SCARB2: variants seen among roughly 807,000 people sequenced by gnomAD.
SCARB2 encodes the protein scavenger receptor class B member 2, also known as lysosome membrane protein 2.
Under a neutral mutation model 58.6 loss-of-function variants are expected in SCARB2, and 29 were observed. The observed-to-expected ratio is 0.49, with a 90% CI of 0.37 to 0.67. SCARB2 has a LOEUF of 0.67. Among genes scored for constraint, SCARB2 ranks in the 30% least tolerant of loss-of-function variants. The pLI is 0.00. For missense variants in SCARB2, 488 were observed against 578.5 expected, an observed-to-expected ratio of 0.84 and a Z score of 1.60; for synonymous variants, 195 against 210.1, an observed-to-expected ratio of 0.93 and a Z score of 0.62.
intron 2 of SCARB2, among the ~76,000 whole-genome samples, chr4:76,187,529 T>C (rs1305680841): frequency 6.6e-6 from 1 of 152,194 alleles, no homozygotes; most frequent in Admixed American, 6.5e-5. Context: ...AATATAATCA[T>C]CATTAAAATT....
Position 76,166,267 on chromosome 4 carries a change from C to G in SCARB2, c.1222G>C (p.Val408Leu). 1.2e-6 allele frequency: 2 copies of G among 1,614,188 alleles called. No homozygotes were observed. Among genetic ancestry groups the G allele is most frequent in the Non-Finnish European group, 1.7e-6 (2 of 1,180,038 alleles). The change falls in exon 10 of 12, where the codon GTG becomes CTG. Residue 408 changes from valine (V) to leucine (L), a missense_variant. Val to Leu is a conservative substitution (Grantham distance 32). Transcript: ENST00000264896. ...TGDIRTMVFP[V>L]MYLNESVHID... ...GGACTTACCTCATTGAGGTACATCA[C>G]TGGGAAAACCATGGTTCTAATGTCT...
At position 76,163,346 on chromosome 4, in the gene SCARB2, T is replaced by C; in HGVS notation, c.1277A>G (p.Lys426Arg). 6.2e-7 allele frequency: 1 copy of C among 1,614,206 alleles called. No homozygotes were observed. Among genetic ancestry groups the C allele is most frequent in the South Asian group, 1.1e-5 (1 of 91,086 alleles). The change falls in exon 11 of 12, where the codon AAG becomes AGG. Residue 426 changes from lysine to arginine, a missense_variant. Transcript: ENST00000264896. ...HIDKETASRLKSMINTTLIIT... is the reference protein window; with the variant it reads ...HIDKETASRLRSMINTTLIIT... ...GATCAAAGTAGTGTTAATCATAGAC[T>C]TCAGTCGACTCGCCGTCTCTTTATC...
intron 1 of SCARB2, among the ~76,000 whole-genome samples, chr4:76,223,809 C>T (rs996159962): frequency 2.6e-5 from 4 of 152,128 alleles, no homozygotes; most frequent in African/African-American, 7.2e-5. Flanking sequence ...CACTCTCCAC[C>T]TCACTAAAAG....
chr4:76,197,518 G>C (rs867514824), intron 1 of SCARB2, among the ~76,000 whole-genome samples: 3,495 of 152,286 alleles, frequency 0.023, 121 homozygotes, highest in African/African-American at 0.08. Flanking sequence ...AGCTGAGCTG[G>C]CTGCACACCC....
chr4:76,188,793 T>C (rs772822479), intron 2 of SCARB2, among the ~76,000 whole-genome samples: 1 of 152,188 alleles, frequency 6.6e-6, no homozygotes, highest in Non-Finnish European at 1.5e-5. Context: ...CATAGAAGGT[T>C]TGGACAGCTC....
Position 76,169,964 on chromosome 4 carries a change from A to G in SCARB2, c.1016T>C (p.Phe339Ser). ...CTCATCTGCTTGGTAAAAGTGTGGG[A>G]AAGACATAATGATGGGTGCACCTGC... ...CKNGAPIIMS[F>S]PHFYQADERF... The change falls in exon 8 of 12, where the codon TTC becomes TCC. Residue 339 changes from phenylalanine to serine, a missense_variant. Transcript: ENST00000264896. 6.2e-7 allele frequency: 1 copy of G among 1,613,962 alleles called. No homozygotes were observed. Among genetic ancestry groups the G allele is most frequent in the Non-Finnish European group, 8.5e-7 (1 of 1,179,876 alleles).
intron 8 of SCARB2, among the ~76,000 whole-genome samples, chr4:76,168,929 C>G (rs1046271109): frequency 1.3e-5 from 2 of 152,208 alleles, no homozygotes; most frequent in African/African-American, 4.8e-5. Flanking sequence ...TAGGGCCCGC[C>G]TAGCGTAGCC....
intron 2 of SCARB2, among the ~76,000 whole-genome samples, chr4:76,191,022 C>A (rs1443189339): frequency 1.3e-5 from 2 of 152,190 alleles, no homozygotes; most frequent in Non-Finnish European, 2.9e-5. Context: ...TGGAATGACA[C>A]TATTTTGGAT....
At chr4:76,169,119 G>A (rs913752639) in intron 8 of SCARB2, among the ~76,000 whole-genome samples, 1 of 152,114 alleles carries the variant, frequency 6.6e-6, no homozygotes, top group South Asian at 2.1e-4. Flanking sequence ...ATTCACCAGA[G>A]CATAAGATCA....
rs1178344132 is a variant in SCARB2 at position 76,163,381 on chromosome 4, ACT to A, written c.1240_1241del (p.Ser414CysfsTer4). On this transcript the variant is annotated frameshift_variant and splice_region_variant, in exon 11 of 12. Coordinates refer to ENST00000264896, the MANE Select transcript of SCARB2 (RefSeq NM_005506.4). LOFTEE classifies it high-confidence loss of function. ...MVFPVMYLNE[S>X]VHIDKETASR... ...TCGCCGTCTCTTTATCAATGTGAAC[ACT>A]CTGGAGAGGCAAGAAAATAGTATTC... 1 of 1,614,022 alleles carries A rather than the reference ACT, an allele frequency of 6.2e-7. No individual in the cohort carries two copies. Among genetic ancestry groups the A allele is most frequent in the Admixed American group, 1.7e-5 (1 of 60,014 alleles).
Position 76,226,106 on chromosome 4 carries a change from C to T in SCARB2, c.-358+8197G>A, listed in dbSNP as rs1360740356. ...AGGTCGTGGTGGCTATGAAGTCCGA[C>T]GGAGTCAAAGGAATGAGACAAGACA... On this transcript the variant is annotated intron_variant, in intron 1 of 11. Transcript: ENST00000638295. 9.7e-5 allele frequency among the ~76,000 whole-genome samples: 8 copies of T among 82,468 alleles called. No homozygotes were observed. In the South Asian group the frequency reaches 1.2e-3, roughly 13 times the overall value. The allele number at this position is 82,468 out of a possible 152,430, so 54.1% of individuals were successfully genotyped here.
At chr4:76,179,767 T>G in intron 3 of SCARB2, 62 bp from the exon 4 acceptor site, 1 of 1,233,700 alleles carries the variant, frequency 8.1e-7, no homozygotes, top group Non-Finnish European at 1.2e-6. Flanking sequence ...ATCCACTCTC[T>G]CCTACTACCC....
chr4:76,200,068 G>A (rs1732799019), intron 1 of SCARB2, among the ~76,000 whole-genome samples: 1 of 152,178 alleles, frequency 6.6e-6, no homozygotes, highest in Admixed American at 6.5e-5. Flanking sequence ...TCTGGCACAG[G>A]AAGTTATTCA....
chr4:76,198,065 C>A (rs17001622), intron 1 of SCARB2, among the ~76,000 whole-genome samples: 27,486 of 152,056 alleles, frequency 0.18, 2,699 homozygotes, highest in East Asian at 0.35. Context: ...GTCTGCTCTG[C>A]TGCAAAGGCC....
At position 76,163,357 on chromosome 4, in the gene SCARB2, C is replaced by T. The variant is rs150330299; in HGVS notation, c.1266G>A (p.Ala422=). The change falls in exon 11 of 12, where the codon GCG becomes GCA. Residue 422 remains alanine, a synonymous_variant. Transcript: ENST00000264896. The part of the protein sequence containing the change: ...NESVHIDKET[A]SRLKSMINTT... ...TGTTAATCATAGACTTCAGTCGACT[C>T]GCCGTCTCTTTATCAATGTGAACAC... is the stretch of plus-strand genomic sequence containing the variant. 2.5e-5 allele frequency: 41 copies of T among 1,614,052 alleles called. No individual in the cohort carries two copies. The highest frequency in any genetic ancestry group is 5.3e-5 in the African/African-American group (4 of 74,918).
chr4:76,217,059 C>T (rs566478710), upstream of SCARB2, among the ~76,000 whole-genome samples: 1 of 152,298 alleles, frequency 6.6e-6, no homozygotes, highest in East Asian at 1.9e-4. Context: ...TCTCAATGCC[C>T]TTTGGGACTT....
rs1731870416 is a variant in SCARB2 at position 76,160,300 on chromosome 4, T to G, written c.*1413A>C. ...GAATGGTTCAGTTGTTAAGAAATTC[T>G]ATAAGCACTTTGTCAGCTAAATGTA... On this transcript the variant is annotated 3_prime_UTR_variant, in exon 12 of 12. Coordinates refer to ENST00000264896, the MANE Select transcript of SCARB2 (RefSeq NM_005506.4). The G allele has an allele frequency of 6.6e-6, 1 of 152,238 alleles. No individual in the cohort carries two copies. The highest frequency in any genetic ancestry group is 6.5e-5 in the Admixed American group (1 of 15,292). The allele number at this position is 152,238 out of a possible 1,614,324, so 9.4% of individuals were successfully genotyped here. A position where few individuals can be genotyped will look rare whatever the true frequency, so the allele number is the denominator to read the frequency against.
chr4:76,182,358 C>T (rs1287121532), intron 2 of SCARB2, among the ~76,000 whole-genome samples: 2 of 151,998 alleles, frequency 1.3e-5, no homozygotes, highest in Non-Finnish European at 2.9e-5. Flanking sequence ...CAGTGCCAAC[C>T]TTTTTTTATA....
chr4:76,179,430 A>T, intron 4 of SCARB2, 87 bp downstream of exon 4: 2 of 962,104 alleles, frequency 2.1e-6, no homozygotes, highest in Non-Finnish European at 3.4e-6. Context: ...GGCAATTTCT[A>T]GAAGAAACTC....
Sources: gnomAD v4.1 joint callset for allele counts (sites outside exome capture counted in the v4.1 genomes callset) on GRCh38, gnomAD v4.1.1 for gene constraint, MANE v1.5 for transcripts, NCBI Gene and HGNC (gene_info 2026-07-23, HGNC 2026-07-21) for gene names.